Variants in UBE2D2 observed in about 807,000 individuals in gnomAD.
The protein encoded by UBE2D2 is ubiquitin-conjugating enzyme E2 D2.
UBE2D2 carries 2 observed loss-of-function variants against 24.2 expected under a neutral mutation model. The observed-to-expected ratio is 0.08, with a 90% CI of 0.03 to 0.26. The LOEUF (loss-of-function observed/expected upper bound fraction) is 0.26, where lower values mean the gene tolerates loss of function less well. Ranked by LOEUF, UBE2D2 falls within the 10% of genes least tolerant of loss-of-function variation. UBE2D2 has a pLI of 1.00. For synonymous variants in UBE2D2, 58 were observed against 56.5 expected, an observed-to-expected ratio of 1.03 and a Z score of -0.12; for missense variants, 44 against 177.6, an observed-to-expected ratio of 0.25 and a Z score of 4.28.
intron 1 of UBE2D2, among the ~76,000 whole-genome samples, chr5:139,596,244 AC>A (rs1753957369): frequency 6.6e-6 from 1 of 151,160 alleles, no homozygotes; most frequent in Non-Finnish European, 1.5e-5. Flanking sequence ...ATGGATAGTT[AC>A]GTGCTTTTTC....
upstream of UBE2D2, among the ~76,000 whole-genome samples, chr5:139,557,002 T>C (rs1752989069): frequency 6.7e-6 from 1 of 150,022 alleles, no homozygotes; most frequent in Non-Finnish European, 1.5e-5. Flanking sequence ...GCCCAGCTAA[T>C]TTTTGTATTT....
At chr5:139,618,309 A>G (rs1296725791) in intron 5 of UBE2D2, among the ~76,000 whole-genome samples, 1 of 152,204 alleles carries the variant, frequency 6.6e-6, no homozygotes, top group Non-Finnish European at 1.5e-5. Context: ...AAACTCTGAG[A>G]CATTAATTTA....
At chr5:139,537,107 C>T (rs768353542) in intron 1 of UBE2D2, among the ~76,000 whole-genome samples, 1 of 150,476 alleles carries the variant, frequency 6.6e-6, no homozygotes, top group Admixed American at 6.7e-5. Flanking sequence ...GGCATGAACC[C>T]GGGAGGCGGT....
chr5:139,615,479 T>C (rs173335), intron 5 of UBE2D2, among the ~76,000 whole-genome samples: 12,525 of 151,460 alleles, frequency 0.083, 643 homozygotes, highest in African/African-American at 0.12. Flanking sequence ...AGCGAGACTC[T>C]GTCTCAAAAA....
intron 1 of UBE2D2, among the ~76,000 whole-genome samples, chr5:139,580,818 A>G (rs1159313574): frequency 1.3e-5 from 2 of 152,158 alleles, no homozygotes; most frequent in Non-Finnish European, 1.5e-5. Context: ...CTCACTCGGG[A>G]TGCTAAGGCA....
chr5:139,565,466 T>C (rs763444085), intron 1 of UBE2D2, among the ~76,000 whole-genome samples: 13 of 152,166 alleles, frequency 8.5e-5, no homozygotes, highest in Admixed American at 7.2e-4. Context: ...TGTTTTAAGG[T>C]TTTCTGCTGA....
At chr5:139,570,272 A>AAACAAC (rs561129243) in intron 1 of UBE2D2, among the ~76,000 whole-genome samples, 1 of 151,974 alleles carries the variant, frequency 6.6e-6, no homozygotes, top group Non-Finnish European at 1.5e-5. Context: ...TTCTGTGTCA[A>AAACAAC]AACAACAACA....
At chr5:139,554,194 G>T (rs966815356) in intron 1 of UBE2D2, among the ~76,000 whole-genome samples, 19 of 151,774 alleles carry the variant, frequency 1.3e-4, no homozygotes, top group African/African-American at 4.6e-4. Context: ...TTTTTTAAAG[G>T]CTCATGCAGA....
intron 5 of UBE2D2, among the ~76,000 whole-genome samples, chr5:139,618,179 G>C (rs1300019636): frequency 6.6e-6 from 1 of 151,932 alleles, no homozygotes; most frequent in South Asian, 2.1e-4. Context: ...TCTCCATGTT[G>C]GTCAGGCTGG....
At chr5:139,552,360 G>A (rs1036785311) in intron 1 of UBE2D2, among the ~76,000 whole-genome samples, 6 of 151,868 alleles carry the variant, frequency 4.0e-5, no homozygotes, top group Admixed American at 2.6e-4. Flanking sequence ...TAGAGACGGG[G>A]TTTTGCCATG....
intron 1 of UBE2D2, among the ~76,000 whole-genome samples, chr5:139,587,331 C>T (rs1049875498): frequency 3.3e-5 from 5 of 152,234 alleles, no homozygotes; most frequent in Admixed American, 2.0e-4. Flanking sequence ...AGCAGCGGCT[C>T]TGCGACAGCA....
At chr5:139,598,148 G>A (rs1242515573) in intron 1 of UBE2D2, among the ~76,000 whole-genome samples, 1 of 152,136 alleles carries the variant, frequency 6.6e-6, no homozygotes, top group Non-Finnish European at 1.5e-5. Context: ...TGATCTGCCT[G>A]CCTCAGCCTC....
intron 1 of UBE2D2, among the ~76,000 whole-genome samples, chr5:139,536,022 A>G (rs927938333): frequency 4.0e-5 from 6 of 151,588 alleles, no homozygotes; most frequent in Admixed American, 3.9e-4. Flanking sequence ...CCTCCCAAGT[A>G]TCTGGAATTA....
chr5:139,568,289 A>G (rs2126652455), intron 1 of UBE2D2, among the ~76,000 whole-genome samples: 1 of 151,892 alleles, frequency 6.6e-6, no homozygotes, highest in Admixed American at 6.6e-5. Flanking sequence ...GGTTGCAGTG[A>G]GCCAAGATCT....
intron 2 of UBE2D2, among the ~76,000 whole-genome samples, chr5:139,610,655 T>G (rs1358911106): frequency 6.6e-6 from 1 of 151,650 alleles, no homozygotes; most frequent in Non-Finnish European, 1.5e-5. Flanking sequence ...AGGGGATTGC[T>G]TGAGCATAGG....
chr5:139,550,608 G>A (rs1038378882), intron 1 of UBE2D2, among the ~76,000 whole-genome samples: 2 of 151,952 alleles, frequency 1.3e-5, no homozygotes, highest in African/African-American at 4.8e-5. Context: ...GAGATAACTT[G>A]CTGCTGCTCA....
intron 1 of UBE2D2, among the ~76,000 whole-genome samples, chr5:139,537,690 C>T (rs944290637): frequency 9.2e-5 from 14 of 151,410 alleles, no homozygotes; most frequent in Admixed American, 5.9e-4. Context: ...TCTGGCCAGG[C>T]GTGGTAGCTC....
intron 1 of UBE2D2, among the ~76,000 whole-genome samples, chr5:139,594,083 G>T (rs1238585853): frequency 1.3e-5 from 2 of 152,130 alleles, no homozygotes; most frequent in African/African-American, 4.8e-5. Flanking sequence ...TTCCCATCTT[G>T]TTCCTTTCAC....
At chr5:139,590,404 C>A (rs574420534) in intron 1 of UBE2D2, among the ~76,000 whole-genome samples, 1 of 148,402 alleles carries the variant, frequency 6.7e-6, no homozygotes, top group Non-Finnish European at 1.5e-5. Context: ...CACTGCACTT[C>A]AGCCTGGGCA....
Sources: allele counts gnomAD v4.1 joint callset (sites outside exome capture counted in the v4.1 genomes callset), GRCh38; gene constraint gnomAD v4.1.1; transcripts MANE v1.5; gene names NCBI Gene and HGNC (gene_info 2026-07-23, HGNC 2026-07-21).